SHISAL2A: variants seen among roughly 807,000 people sequenced by gnomAD.
SHISAL2A encodes the protein protein shisa-like-2A.
Under a neutral mutation model 11.5 loss-of-function variants are expected in SHISAL2A, and 18 were observed. The observed-to-expected ratio is 1.57, with a 90% CI of 1.08 to 2.33. SHISAL2A has a LOEUF of 2.33. SHISAL2A is among the 30% of genes most tolerant of loss of function. SHISAL2A has a pLI of 0.00. For synonymous variants in SHISAL2A, 94 were observed against 99.6 expected, an observed-to-expected ratio of 0.94 and a Z score of 0.34; for missense variants, 261 against 250.9, an observed-to-expected ratio of 1.04 and a Z score of -0.27.
downstream of SHISAL2A, chr1:52,657,198 C>CCACAA: frequency 3.0e-6 from 3 of 993,464 alleles, no homozygotes; most frequent in South Asian, 2.0e-5. Context: ...TCTGCTTGGC[C>CCACAA]TATTGTGGGC....
chr1:52,652,394 C>G (rs114458006), intron 2 of SHISAL2A, among the ~76,000 whole-genome samples: 1 of 152,196 alleles, frequency 6.6e-6, no homozygotes, highest in South Asian at 2.1e-4. Context: ...CCATATTTCA[C>G]TCACAAATTC....
At chr1:52,638,808 G>T (rs1297975477) in intron 1 of SHISAL2A, among the ~76,000 whole-genome samples, 1 of 152,218 alleles carries the variant, frequency 6.6e-6, no homozygotes, top group East Asian at 1.9e-4. Context: ...GGCTGGTGGG[G>T]TAAGGAAGGT....
chr1:52,651,383 C>T (rs985090530), intron 2 of SHISAL2A, among the ~76,000 whole-genome samples: 5 of 151,570 alleles, frequency 3.3e-5, no homozygotes, highest in Admixed American at 1.3e-4. Context: ...ATTACAGGCC[C>T]CTGCCATCAC....
chr1:52,664,353 G>A (rs1050754445), intron 4 of SHISAL2A, among the ~76,000 whole-genome samples: 1 of 148,186 alleles, frequency 6.7e-6, no homozygotes, highest in African/African-American at 2.5e-5. Flanking sequence ...ACCACGCCCA[G>A]CTAATTTTTT....
At chr1:52,643,023 T>C (rs1248338676) in intron 2 of SHISAL2A, 21 bp downstream of exon 2, 2 of 1,613,294 alleles carry the variant, frequency 1.2e-6, no homozygotes, top group African/African-American at 1.3e-5. Flanking sequence ...TGCCAGGTGA[T>C]GTCCTTGTAT....
At chr1:52,639,597 C>CA (rs1225600050) in intron 1 of SHISAL2A, among the ~76,000 whole-genome samples, 21 of 151,822 alleles carry the variant, frequency 1.4e-4, no homozygotes, top group African/African-American at 5.1e-4. Flanking sequence ...ATTAAAATTA[C>CA]AAAAAATTAG....
intron 2 of SHISAL2A, among the ~76,000 whole-genome samples, chr1:52,646,211 T>C (rs559010153): frequency 3.4e-4 from 52 of 152,228 alleles, no homozygotes; most frequent in Non-Finnish European, 5.0e-4. Flanking sequence ...AAGAGGACAG[T>C]ACCTCACAAC....
chr1:52,633,497 A>C lies in SHISAL2A; in HGVS notation c.4A>C (p.Ser2Arg). ...GGCGGGCTGGGCGCGGGGCGCGATG[A>C]GCGGCGCCTGCACGAGCTACGTGAG... M[S>R]GACTSYVSAE... Residue 2 changes from serine to arginine, a missense_variant, in exon 1 of 3, where the codon AGC (serine) becomes CGC (arginine). By Grantham distance (110) the Ser-to-Arg change is moderately radical. Coordinates refer to ENST00000517870, the MANE Select transcript of SHISAL2A (RefSeq NM_001042693.3). This position sits in a 1 kb window ranked among gnomAD's most constrained non-coding sequence, Gnocchi z 6.4. The C allele has an allele frequency of 6.6e-7, 1 of 1,509,798 alleles. No individual in the cohort carries two copies. The highest frequency in any genetic ancestry group is 8.8e-7 in the Non-Finnish European group (1 of 1,135,542). 93.5% of individuals were successfully genotyped at this position (1,509,798 alleles called of 1,614,324 possible).
chr1:52,660,131 T>C (rs752871625), downstream of SHISAL2A, among the ~76,000 whole-genome samples: 2 of 152,110 alleles, frequency 1.3e-5, no homozygotes, highest in Non-Finnish European at 2.9e-5. Context: ...AGACCACCCT[T>C]TGAGCACAAC....
chr1:52,667,559 A>C (rs1571708709), exon 5 of SHISAL2A: 1 of 211,542 alleles, frequency 4.7e-6, no homozygotes, highest in South Asian at 1.7e-4. Flanking sequence ...AGCTCACTGG[A>C]GCCTCACAGA....
intron 2 of SHISAL2A, among the ~76,000 whole-genome samples, chr1:52,651,534 G>A (rs1691647993): frequency 6.6e-6 from 1 of 151,990 alleles, no homozygotes; most frequent in South Asian, 2.1e-4. Flanking sequence ...ACTGTGCCCG[G>A]CCCAACAATT....
chr1:52,645,491 C>T (rs1691479636), intron 2 of SHISAL2A, among the ~76,000 whole-genome samples: 2 of 151,632 alleles, frequency 1.3e-5, no homozygotes, highest in Admixed American at 1.3e-4. Flanking sequence ...TCACTGCAGC[C>T]TTGCACTCCG....
At position 52,633,794 on chromosome 1, in the gene SHISAL2A, C is replaced by T. The variant is rs1691184210; in HGVS notation, c.182+119C>T. 2.6e-6 allele frequency: 2 copies of T among 764,358 alleles called. No homozygotes were observed. Among genetic ancestry groups the T allele is most frequent in the South Asian group, 1.7e-5 (1 of 60,120 alleles). The allele number at this position is 764,358 out of a possible 1,614,324, so 47.3% of individuals were successfully genotyped here. On this transcript the variant is annotated intron_variant, in intron 1 of 2. Coordinates refer to ENST00000517870, the MANE Select transcript of SHISAL2A (RefSeq NM_001042693.3). This position sits in a 1 kb window ranked among gnomAD's most constrained non-coding sequence, Gnocchi z 6.4. ...ATCAGCAGCAAGCTCTAGTCCTTAC[C>T]GTCCTCATGCCCACAGCATCAACCA...
At chr1:52,650,585 C>T (rs1041802407) in intron 2 of SHISAL2A, among the ~76,000 whole-genome samples, 7 of 150,988 alleles carry the variant, frequency 4.6e-5, no homozygotes, top group African/African-American at 4.9e-5. Context: ...TATTATTAGG[C>T]GCTTCAATTT....
chr1:52,661,361 A>C (rs1691903599), downstream of SHISAL2A, among the ~76,000 whole-genome samples: 1 of 152,240 alleles, frequency 6.6e-6, no homozygotes, highest in Non-Finnish European at 1.5e-5. Flanking sequence ...TCTAAAGGAC[A>C]GTGATGTCTC....
chr1:52,668,885 C>G (rs1401886789), exon 6 of SHISAL2A: 1 of 152,428 alleles, frequency 6.6e-6, no homozygotes, highest in Non-Finnish European at 1.5e-5. Flanking sequence ...CCCTAAGAGC[C>G]CCAGCTGCAG....
chr1:52,646,276 G>A (rs544563889), intron 2 of SHISAL2A, among the ~76,000 whole-genome samples: 1 of 152,244 alleles, frequency 6.6e-6, no homozygotes, highest in Non-Finnish European at 1.5e-5. Flanking sequence ...CCCTAGAGTA[G>A]AGAATAGAGT....
At chr1:52,643,062 G>A (rs1691407830) in intron 2 of SHISAL2A, 60 bp downstream of exon 2, 1 of 1,524,982 alleles carries the variant, frequency 6.6e-7, no homozygotes, top group Non-Finnish European at 9.0e-7. Flanking sequence ...TTCAAGGGGG[G>A]AGAAATGTAG....
At chr1:52,643,066 A>G in intron 2 of SHISAL2A, 64 bp downstream of exon 2, 1 of 1,508,088 alleles carries the variant, frequency 6.6e-7, no homozygotes, top group Non-Finnish European at 9.1e-7. Flanking sequence ...AGGGGGGAGA[A>G]ATGTAGAAAT....
Sources: allele counts gnomAD v4.1 joint callset (sites outside exome capture counted in the v4.1 genomes callset), GRCh38; gene constraint gnomAD v4.1.1; non-coding constraint Gnocchi (gnomAD v3.1); transcripts MANE v1.5; gene names NCBI Gene and HGNC (gene_info 2026-07-23, HGNC 2026-07-21).